GATC: variants seen among roughly 807,000 people sequenced by gnomAD.
The protein encoded by GATC is glutamyl-tRNA(Gln) amidotransferase subunit C, mitochondrial.
In GATC, 11 loss-of-function variants were observed where a neutral mutation model predicts 14.4. That is an observed-to-expected ratio of 0.77 (90% CI 0.48 to 1.27). The LOEUF is 1.27. Among genes scored for constraint, GATC ranks in the 50% most tolerant of loss-of-function variants. The pLI is 0.00. For synonymous variants in GATC, 76 were observed against 79.3 expected, an observed-to-expected ratio of 0.96 and a Z score of 0.22; for missense variants, 204 against 183.0, an observed-to-expected ratio of 1.11 and a Z score of -0.66.
At chr12:120,451,599 G>A (rs1323729956) in intron 2 of GATC, among the ~76,000 whole-genome samples, 5 of 151,494 alleles carry the variant, frequency 3.3e-5, no homozygotes, top group South Asian at 4.2e-4. Context: ...AAAATTAGCC[G>A]GGCATGGTGG....
chr12:120,454,605 C>T (rs1300000328), intron 2 of GATC, among the ~76,000 whole-genome samples: 5 of 150,676 alleles, frequency 3.3e-5, no homozygotes, highest in East Asian at 2.0e-4. Flanking sequence ...TTAGTAGAGA[C>T]GGGGTTTCAC....
chr12:120,449,661 C>T (rs781724728), intron 2 of GATC, among the ~76,000 whole-genome samples: 16 of 151,608 alleles, frequency 1.1e-4, no homozygotes, highest in Non-Finnish European at 1.6e-4. Flanking sequence ...TGGCAAGGCT[C>T]GTCTTGAACT....
chr12:120,447,631 A>C (rs953656656), intron 2 of GATC, among the ~76,000 whole-genome samples: 10 of 152,056 alleles, frequency 6.6e-5, no homozygotes, highest in African/African-American at 2.4e-4. Flanking sequence ...CTCCCCTTCT[A>C]GTTAGTAACT....
At chr12:120,449,750 G>A (rs1257023374) in intron 2 of GATC, among the ~76,000 whole-genome samples, 5 of 151,162 alleles carry the variant, frequency 3.3e-5, no homozygotes, top group Non-Finnish European at 7.4e-5. Context: ...CCCGGCCACA[G>A]TAAATGTTTA....
rs1170221029 is a variant in GATC, at chr12:120,451,875, CTTTT to C, written c.254+5063_254+5066del. Among the ~76,000 whole-genome samples, 9 of 90,792 alleles carry C rather than the reference CTTTT, an allele frequency of 9.9e-5. 1 individual carries two copies. The highest frequency in any genetic ancestry group is 2.3e-4 in the Admixed American group (2 of 8,794). The allele number at this position is 90,792 out of a possible 152,430, so 59.6% of individuals were successfully genotyped here. A position where few individuals can be genotyped will look rare whatever the true frequency, so the allele number is the denominator to read the frequency against. On this transcript the variant is annotated intron_variant, in intron 2 of 3. Transcript: ENST00000551765. ...CAGGGGCTAATAAATTATATAAATT[CTTTT>C]TTTTTTTTTTTTTTTTGAGCTGGAG...
chr12:120,453,634 A>C (rs973862052), intron 2 of GATC, among the ~76,000 whole-genome samples: 2 of 152,114 alleles, frequency 1.3e-5, no homozygotes, highest in Non-Finnish European at 2.9e-5. Context: ...CAACTCACCA[A>C]GTGAGAGGTA....
At chr12:120,459,217 GAA>G (rs1878263688) in intron 3 of GATC, among the ~76,000 whole-genome samples, 1 of 152,138 alleles carries the variant, frequency 6.6e-6, no homozygotes, top group South Asian at 2.1e-4. Context: ...ACTGTGGAGA[GAA>G]AGGAGACTCT....
Position 120,462,197 on chromosome 12 carries a change from GA to G in GATC, c.*2245del. The G allele has an allele frequency of 4.5e-6, 7 of 1,572,814 alleles. No individual in the cohort carries two copies. The highest frequency in any genetic ancestry group is 2.3e-5 in the East Asian group (1 of 43,820). ...AAACAAAAACAAAAAGAGTAAAGGGGAAAAAAATCAGAGCCAGAAGAATAAG... is the reference window on the plus strand; with the variant it reads ...AAACAAAAACAAAAAGAGTAAAGGGGAAAAAATCAGAGCCAGAAGAATAAG... On this transcript the variant is annotated 3_prime_UTR_variant, in exon 4 of 4. Transcript: ENST00000551765.
intron 2 of GATC, 28 bp downstream of exon 2, chr12:120,446,857 C>T (rs769206842): frequency 6.4e-7 from 1 of 1,570,298 alleles, no homozygotes; most frequent in Non-Finnish European, 8.7e-7. Context: ...GCCCCGAAGC[C>T]TTGACCGTGG....
chr12:120,451,986 C>G (rs150927382), intron 2 of GATC, among the ~76,000 whole-genome samples: 6,767 of 143,936 alleles, frequency 0.047, 248 homozygotes, highest in South Asian at 0.1. Context: ...AAGCAATTCT[C>G]CTGTCTCAGC....
intron 2 of GATC, among the ~76,000 whole-genome samples, chr12:120,455,711 A>G (rs1303318642): frequency 1.3e-5 from 2 of 151,276 alleles, no homozygotes; most frequent in Non-Finnish European, 3.0e-5. Flanking sequence ...TTTGAGGCAG[A>G]GTATCGCTCT....
chr12:120,446,479 A>G lies in GATC; in HGVS notation c.-2A>G. On this transcript the variant is annotated 5_prime_UTR_variant, in exon 1 of 4. Coordinates refer to ENST00000551765, the MANE Select transcript of GATC (RefSeq NM_176818.3). ...GCACTGCGGGGGCCAAGGAAGGAAGAAATGTGGTCGCGGTTGGTGTGGCTG... is the reference window on the plus strand; with the variant it reads ...GCACTGCGGGGGCCAAGGAAGGAAGGAATGTGGTCGCGGTTGGTGTGGCTG... 6.2e-7 allele frequency: 1 copy of G among 1,607,138 alleles called. No homozygotes were observed. Among genetic ancestry groups the G allele is most frequent in the Non-Finnish European group, 8.5e-7 (1 of 1,175,578 alleles).
At chr12:120,450,532 T>C (rs1592983477) in intron 2 of GATC, 1 of 153,456 alleles carries the variant, frequency 6.5e-6, no homozygotes, top group Admixed American at 6.5e-5. Context: ...AACCTCATTA[T>C]GTTTTCTGGA....
chr12:120,447,661 C>T lies in GATC; in HGVS notation c.254+832C>T, dbSNP rs1293652470. 2.6e-5 allele frequency among the ~76,000 whole-genome samples: 4 copies of T among 152,030 alleles called. No homozygotes were observed. In the South Asian group the frequency reaches 8.3e-4, roughly 31 times the overall value. ...GTAACTCATCCTATTGGGTTTTTTC[C>T]CTAACATTTTAATGGACTTTTGTTC... On this transcript the variant is annotated intron_variant, in intron 2 of 3. Coordinates refer to ENST00000551765, the MANE Select transcript of GATC (RefSeq NM_176818.3).
intron 3 of GATC, among the ~76,000 whole-genome samples, 157 bp downstream of exon 3, chr12:120,457,336 T>C (rs937428336): frequency 6.6e-6 from 1 of 152,070 alleles, no homozygotes; most frequent in Non-Finnish European, 1.5e-5. Context: ...TCCAGGGTCA[T>C]ACTCACCTCT....
At position 120,460,162 on chromosome 12, in the gene GATC, G is replaced by A. The variant is rs1878295689; in HGVS notation, c.*203G>A. 2.0e-6 allele frequency: 1 copy of A among 498,318 alleles called. No individual in the cohort carries two copies. Among genetic ancestry groups the A allele is most frequent in the Non-Finnish European group, 3.7e-6 (1 of 269,184 alleles). 30.9% of individuals were successfully genotyped at this position (498,318 alleles called of 1,614,324 possible). ...AGGCAGTGAGTTCCTGATGCTAACT[G>A]AGGTGAAAGAAAAGCAAAAGTCAGC... is the stretch of plus-strand genomic sequence containing the variant. On this transcript the variant is annotated 3_prime_UTR_variant, in exon 4 of 4. Transcript: ENST00000551765.
chr12:120,454,998 G>A (rs972572840), intron 2 of GATC: 14 of 450,722 alleles, frequency 3.1e-5, no homozygotes, highest in African/African-American at 2.4e-4. Flanking sequence ...AGTGATTCTT[G>A]TGCCTCAGCC....
chr12:120,462,294 ATC>A lies in GATC; in HGVS notation c.*2338_*2339del. 1.1e-6 allele frequency: 1 copy of A among 931,296 alleles called. No homozygotes were observed. The highest frequency in any genetic ancestry group is 2.8e-5 in the East Asian group (1 of 35,874). 57.7% of individuals were successfully genotyped at this position (931,296 alleles called of 1,614,324 possible). On this transcript the variant is annotated 3_prime_UTR_variant, in exon 4 of 4. Coordinates refer to ENST00000551765, the MANE Select transcript of GATC (RefSeq NM_176818.3). ...TGTACTCTGTGCCTGGCATGAGGCT[ATC>A]TCATTAAACCTTCATAACATTATGA...
intron 2 of GATC, among the ~76,000 whole-genome samples, chr12:120,449,170 A>G (rs1877969567): frequency 6.6e-6 from 1 of 151,754 alleles, no homozygotes; most frequent in Non-Finnish European, 1.5e-5. Context: ...CACCGTAGCC[A>G]AGATGGTCTC....
Sources: gnomAD v4.1 joint callset for allele counts (sites outside exome capture counted in the v4.1 genomes callset) on GRCh38, gnomAD v4.1.1 for gene constraint, MANE v1.5 for transcripts, NCBI Gene and HGNC (gene_info 2026-07-23, HGNC 2026-07-21) for gene names.